The following MYCBP2 variants were observed in gnomAD, a reference collection of about 807,000 sequenced individuals.
The protein encoded by MYCBP2 is MYC binding protein 2, also known as E3 ubiquitin-protein ligase MYCBP2.
In MYCBP2, 120 loss-of-function variants were observed where a neutral mutation model predicts 525.3. The observed-to-expected ratio is 0.23, with a 90% CI of 0.20 to 0.27. MYCBP2 has a LOEUF of 0.27. Among genes scored for constraint, MYCBP2 ranks in the 10% least tolerant of loss-of-function variants. The pLI is 1.00. For synonymous variants in MYCBP2, 1,894 were observed against 1,955.8 expected, an observed-to-expected ratio of 0.97 and a Z score of 0.83; for missense variants, 4,149 against 5,657.1, an observed-to-expected ratio of 0.73 and a Z score of 8.55.
chr13:77,150,992 T>C, intron 46 of MYCBP2, 43 bp from the exon 47 acceptor site: 5 of 1,499,528 alleles, frequency 3.3e-6, no homozygotes, highest in Non-Finnish European at 4.6e-6. Context: ...TATTATTTAA[T>C]TGTCACTGAC....
intron 20 of MYCBP2, among the ~76,000 whole-genome samples, chr13:77,219,756 G>C (rs2065289435): frequency 6.6e-6 from 1 of 152,076 alleles, no homozygotes; most frequent in South Asian, 2.1e-4. Flanking sequence ...GGTGAGTGGA[G>C]AGTTTGAAGA....
At chr13:77,273,348 C>T (rs1321680528) in intron 5 of MYCBP2, 124 bp downstream of exon 5, 4 of 626,390 alleles carry the variant, frequency 6.4e-6, no homozygotes, top group Admixed American at 3.7e-5. Flanking sequence ...ATTTATGTAT[C>T]AATCTTGGAC....
At chr13:77,249,393 G>C (rs1397609605) in intron 15 of MYCBP2, among the ~76,000 whole-genome samples, 2 of 151,914 alleles carry the variant, frequency 1.3e-5, no homozygotes, top group African/African-American at 2.4e-5. Context: ...ATTATACTTG[G>C]TTAGTATTGT....
At chr13:77,131,465 GCAA>G (rs2052782771) in intron 52 of MYCBP2, among the ~76,000 whole-genome samples, 1 of 151,018 alleles carries the variant, frequency 6.6e-6, no homozygotes, top group African/African-American at 2.4e-5. Flanking sequence ...TCCAGCTTGG[GCAA>G]CAACAAGACT....
intron 1 of MYCBP2, among the ~76,000 whole-genome samples, chr13:77,308,060 T>C (rs969425510): frequency 1.3e-5 from 2 of 152,172 alleles, no homozygotes; most frequent in Non-Finnish European, 2.9e-5. Context: ...TAAACAATAA[T>C]AGCTATTGGA....
At chr13:77,196,102 G>T (rs1386232816) in intron 26 of MYCBP2, among the ~76,000 whole-genome samples, 2 of 152,196 alleles carry the variant, frequency 1.3e-5, no homozygotes, top group Non-Finnish European at 2.9e-5. Context: ...AGCTCTGAAG[G>T]TGATGGGGAA....
chr13:77,083,614 A>G (rs1453566539), intron 62 of MYCBP2, among the ~76,000 whole-genome samples: 1 of 152,148 alleles, frequency 6.6e-6, no homozygotes, highest in Non-Finnish European at 1.5e-5. Context: ...TCACTAACTC[A>G]TACAGCATTT....
chr13:77,270,705 A>G (rs1332312802), intron 5 of MYCBP2, among the ~76,000 whole-genome samples, 167 bp from the exon 6 acceptor site: 1 of 152,176 alleles, frequency 6.6e-6, no homozygotes, highest in Non-Finnish European at 1.5e-5. Flanking sequence ...ATAAGAAGCA[A>G]ATCTCAAGCA....
At chr13:77,233,411 C>G (rs763000577) in intron 17 of MYCBP2, 148 bp from the exon 18 acceptor site, 2 of 587,958 alleles carry the variant, frequency 3.4e-6, no homozygotes, top group South Asian at 2.2e-5. Flanking sequence ...CCCACTCCAG[C>G]CCCCCACCCC....
intron 26 of MYCBP2, among the ~76,000 whole-genome samples, chr13:77,204,252 C>A (rs1381254291): frequency 6.6e-6 from 1 of 152,032 alleles, no homozygotes; most frequent in African/African-American, 2.4e-5. Context: ...TGAACAGACA[C>A]TTCTCAAAAG....
chr13:77,260,637 T>C (rs776648616), intron 12 of MYCBP2, 45 bp from the exon 13 acceptor site: 7 of 1,340,780 alleles, frequency 5.2e-6, no homozygotes, highest in Non-Finnish European at 7.2e-6. Context: ...TATGTACAAA[T>C]AATAATAATA....
chr13:77,210,543 T>C (rs2063874982), intron 23 of MYCBP2, among the ~76,000 whole-genome samples: 1 of 152,236 alleles, frequency 6.6e-6, no homozygotes, highest in African/African-American at 2.4e-5. Context: ...TGAGTCTCTT[T>C]TGTGCCTTAT....
At chr13:77,322,828 A>T (rs1441110212) in intron 1 of MYCBP2, among the ~76,000 whole-genome samples, 1 of 152,214 alleles carries the variant, frequency 6.6e-6, no homozygotes, top group Admixed American at 6.5e-5. Flanking sequence ...ACATTCCTTC[A>T]TACATTTCCT....
chr13:77,269,933 G>T, intron 7 of MYCBP2, 59 bp downstream of exon 7: 1 of 1,265,348 alleles, frequency 7.9e-7, no homozygotes, highest in Non-Finnish European at 1.1e-6. Flanking sequence ...ATTAAACAAG[G>T]ACAAATCACA....
rs60927409 is a variant in MYCBP2, at chr13:77,183,541, C to CTTTTTT, written c.4719+1556_4719+1561dup. 5.5e-3 allele frequency among the ~76,000 whole-genome samples: 362 copies of CTTTTTT among 66,090 alleles called. 49 individuals carry two copies. The highest frequency in any genetic ancestry group is 0.01 in the African/African-American group (144 of 14,122). The allele number at this position is 66,090 out of a possible 152,430, so 43.4% of individuals were successfully genotyped here. A position where few individuals can be genotyped will look rare whatever the true frequency, so the allele number is the denominator to read the frequency against. The stretch of plus-strand genomic sequence containing the variant: ...TTGTTTATAGTGATAGTCCCTATTT[C>CTTTTTT]TTTTTTTTTTTTTTTTTTTTTTTTT... On this transcript the variant is annotated intron_variant, in intron 32 of 82. Coordinates refer to ENST00000544440, the MANE Select transcript of MYCBP2 (RefSeq NM_015057.5).
At position 77,077,060 on chromosome 13, in the gene MYCBP2, G is replaced by A. The variant is rs74096181; in HGVS notation, c.11724+88C>T. The A allele has an allele frequency of 8.0e-3, 12,098 of 1,507,134 alleles. 723 individuals are homozygous for A. In the African/African-American group the frequency reaches 0.14, roughly 17 times the overall value. The allele number at this position is 1,507,134 out of a possible 1,614,324, so 93.4% of individuals were successfully genotyped here. ...GCAACATTTATAGCCAGAAATTTCT[G>A]TAATAAGTTTCACAAAATATTTTGT... On this transcript the variant is annotated intron_variant, in intron 67 of 82. Transcript: ENST00000544440.
intron 28 of MYCBP2, 146 bp downstream of exon 28, chr13:77,191,533 G>T: frequency 1.1e-6 from 1 of 923,350 alleles, no homozygotes; most frequent in Non-Finnish European, 1.6e-6. Context: ...TTGGCATGAG[G>T]TTACATGAAT....
intron 62 of MYCBP2, among the ~76,000 whole-genome samples, chr13:77,084,919 C>T (rs1445383007): frequency 6.6e-6 from 1 of 152,012 alleles, no homozygotes; most frequent in Admixed American, 6.6e-5. Flanking sequence ...TCTGCCAACA[C>T]AACTGACGTA....
intron 47 of MYCBP2, among the ~76,000 whole-genome samples, chr13:77,148,695 A>G (rs148720553): frequency 2.6e-5 from 4 of 152,202 alleles, no homozygotes; most frequent in Admixed American, 6.5e-5. Flanking sequence ...AATAATCTTC[A>G]ATTTCAACTG....
Sources: gnomAD v4.1 joint callset for allele counts (sites outside exome capture counted in the v4.1 genomes callset) on GRCh38, gnomAD v4.1.1 for gene constraint, MANE v1.5 for transcripts, NCBI Gene and HGNC (gene_info 2026-07-23, HGNC 2026-07-21) for gene names.